MCOLN2: variants seen among roughly 807,000 people sequenced by gnomAD.
MCOLN2 encodes mucolipin-2.
A neutral mutation model predicts 67.5 loss-of-function variants in MCOLN2; 57 were observed. That is an observed-to-expected ratio of 0.84 (90% CI 0.68 to 1.05). The LOEUF (loss-of-function observed/expected upper bound fraction) is 1.05. MCOLN2 is among the 50% of genes least tolerant of loss of function. The pLI is 0.00. For synonymous variants in MCOLN2, 246 were observed against 233.3 expected (o/e 1.05, Z -0.50); for missense variants, 620 against 678.8 (o/e 0.91, Z 0.96).
Position 84,929,612 on chromosome 1 carries a change from T to G in MCOLN2, c.1610A>C (p.Glu537Ala). The stretch of plus-strand genomic sequence containing the variant: ...GGCTGAGGACTCTTTCTGATACTCT[T>G]CTTTGCTACTGCATTCCTTCAGGAA... ...QEFLKECSSK[E>A]EYQKESSAFL... is the part of the protein sequence containing the mutation. Residue 537 changes from glutamate (E) to alanine (A), a missense_variant, in exon 13 of 14, where the codon GAA (glutamate) becomes GCA (alanine). Transcript: ENST00000370608. The G allele has an allele frequency of 6.2e-7, 1 of 1,613,950 alleles. No individual in the cohort carries two copies. The highest frequency in any genetic ancestry group is 2.2e-5 in the East Asian group (1 of 44,854).
chr1:84,993,237 C>T (rs1650979250), intron 1 of MCOLN2, among the ~76,000 whole-genome samples: 1 of 152,206 alleles, frequency 6.6e-6, no homozygotes, highest in Admixed American at 6.5e-5. Context: ...GAGATTGCAG[C>T]AATTCTGTCA....
intron 6 of MCOLN2, 30 bp downstream of exon 6, chr1:84,952,208 TAAAAG>T (rs1185314579): frequency 2.1e-6 from 3 of 1,457,190 alleles, no homozygotes; most frequent in Non-Finnish European, 2.8e-6. Context: ...AGGAAAAAAA[TAAAAG>T]GAAGTAGCTA....
chr1:84,936,671 T>C (rs1022672668), intron 11 of MCOLN2, among the ~76,000 whole-genome samples: 2 of 152,210 alleles, frequency 1.3e-5, no homozygotes, highest in Admixed American at 6.5e-5. Context: ...TCTAGACATA[T>C]TAAATGTGAC....
chr1:84,982,110 C>A (rs1571035418), intron 1 of MCOLN2, among the ~76,000 whole-genome samples: 1 of 144,584 alleles, frequency 6.9e-6, no homozygotes. Flanking sequence ...AAAAGTGTAT[C>A]TGATTTGAAA....
chr1:84,937,539 T>A (rs1344995439), intron 11 of MCOLN2: 1 of 1,213,808 alleles, frequency 8.2e-7, no homozygotes, highest in Non-Finnish European at 1.0e-6. Flanking sequence ...CTATAATACA[T>A]GCTTTCTAGT....
chr1:84,970,395 C>T (rs574374519), intron 1 of MCOLN2, among the ~76,000 whole-genome samples: 4 of 151,382 alleles, frequency 2.6e-5, no homozygotes, highest in Non-Finnish European at 5.9e-5. Context: ...ACTGGCCAGG[C>T]ATGGTGGCTC....
At chr1:84,980,499 T>C (rs1271407067) in intron 1 of MCOLN2, among the ~76,000 whole-genome samples, 1 of 152,098 alleles carries the variant, frequency 6.6e-6, no homozygotes, top group African/African-American at 2.4e-5. Context: ...TGGAATGGAA[T>C]AGAGAACCCA....
chr1:84,942,732 G>T (rs1647862974), intron 7 of MCOLN2, among the ~76,000 whole-genome samples: 2 of 152,136 alleles, frequency 1.3e-5, no homozygotes, highest in Non-Finnish European at 2.9e-5. Context: ...AGGTGATTGG[G>T]TCATGAGGTC....
At chr1:84,960,907 A>G (rs1649054544) in intron 2 of MCOLN2, among the ~76,000 whole-genome samples, 1 of 152,220 alleles carries the variant, frequency 6.6e-6, no homozygotes, top group African/African-American at 2.4e-5. Flanking sequence ...ATGGTACGGA[A>G]TAACAACTCT....
At chr1:84,961,864 G>A (rs916240441) in intron 2 of MCOLN2, among the ~76,000 whole-genome samples, 3 of 152,166 alleles carry the variant, frequency 2.0e-5, no homozygotes, top group African/African-American at 7.2e-5. Context: ...ACAAGATACT[G>A]CTCTAATTAT....
rs1411891482 is a variant in MCOLN2 at position 84,991,163 on chromosome 1, T to C, written c.77+5633A>G. ...AATGGGCCATTTCAAAAAGAAAGAGTCTGGTATGTATCAGCTAGTCAGGTA... is the reference window on the plus strand; with the variant it reads ...AATGGGCCATTTCAAAAAGAAAGAGCCTGGTATGTATCAGCTAGTCAGGTA... On this transcript the variant is annotated intron_variant, in intron 1 of 13. Coordinates refer to ENST00000370608, the MANE Select transcript of MCOLN2 (RefSeq NM_153259.4). Among the ~76,000 whole-genome samples the C allele has an allele frequency of 2.0e-5, 3 of 151,970 alleles. No individual in the cohort carries two copies. The East Asian group carries it at 5.8e-4, about 29-fold the overall frequency.
At chr1:84,969,285 A>T (rs1384166746) in intron 1 of MCOLN2, among the ~76,000 whole-genome samples, 2 of 152,186 alleles carry the variant, frequency 1.3e-5, no homozygotes, top group Non-Finnish European at 2.9e-5. Context: ...GAAGTTCCAG[A>T]GGTGGCTGGG....
At chr1:84,996,258 C>T (rs890366446) in intron 1 of MCOLN2, among the ~76,000 whole-genome samples, 7 of 151,974 alleles carry the variant, frequency 4.6e-5, no homozygotes, top group Admixed American at 1.3e-4. Flanking sequence ...TACATCCTGA[C>T]ACCCATAAGA....
chr1:84,986,474 C>T (rs138708484), intron 1 of MCOLN2, among the ~76,000 whole-genome samples: 1,613 of 142,494 alleles, frequency 0.011, 9 homozygotes, highest in Middle Eastern at 0.019. Flanking sequence ...ACCCAGGAGG[C>T]GGAGGTTGCA....
rs1650622842 is a variant in MCOLN2, at chr1:84,987,511, C to CGT, written c.77+9284_77+9285insAC. On this transcript the variant is annotated intron_variant, in intron 1 of 13. Transcript: ENST00000370608. ...ATACATATGTATACATAGATGTATA[C>CGT]ATATGTATATATGTATACATCTATG... 3.8e-4 allele frequency among the ~76,000 whole-genome samples: 10 copies of CGT among 26,548 alleles called. 2 individuals carry two copies. The highest frequency in any genetic ancestry group is 1.5e-3 in the African/African-American group (6 of 3,992). The allele number at this position is 26,548 out of a possible 152,430, so 17.4% of individuals were successfully genotyped here. A position where few individuals can be genotyped will look rare whatever the true frequency, so the allele number is the denominator to read the frequency against.
At chr1:84,992,785 A>G (rs1366598055) in intron 1 of MCOLN2, among the ~76,000 whole-genome samples, 1 of 152,220 alleles carries the variant, frequency 6.6e-6, no homozygotes, top group Non-Finnish European at 1.5e-5. Flanking sequence ...AGTACTTCAT[A>G]CTAAAAAATG....
In MCOLN2 at chr1:84,925,674, T is replaced by C. The variant is rs1040215183; in HGVS notation, c.*1011A>G. On this transcript the variant is annotated 3_prime_UTR_variant, in exon 14 of 14. Transcript: ENST00000370608. ...ACCCAACCCAGCAGAGTTCAATTGTTAAAATGAGTGACCGCTGCTACAGGT... is the reference window on the plus strand; with the variant it reads ...ACCCAACCCAGCAGAGTTCAATTGTCAAAATGAGTGACCGCTGCTACAGGT... 3.3e-5 allele frequency: 5 copies of C among 152,214 alleles called. No homozygotes were observed. Among genetic ancestry groups the C allele is most frequent in the African/African-American group, 1.2e-4 (5 of 41,446 alleles). The allele number at this position is 152,214 out of a possible 1,614,324, so 9.4% of individuals were successfully genotyped here.
intron 1 of MCOLN2, among the ~76,000 whole-genome samples, chr1:84,976,105 G>A (rs1037603397): frequency 1.3e-5 from 2 of 152,000 alleles, no homozygotes; most frequent in Admixed American, 6.6e-5. Context: ...AAAGAGACAG[G>A]AGTAGAAAGT....
chr1:84,962,239 T>C (rs887685370), intron 2 of MCOLN2, among the ~76,000 whole-genome samples: 3 of 152,138 alleles, frequency 2.0e-5, no homozygotes, highest in Non-Finnish European at 4.4e-5. Flanking sequence ...CCAGAAATAT[T>C]TTGTTATTTA....
Sources: gnomAD v4.1 joint callset for allele counts (sites outside exome capture counted in the v4.1 genomes callset) on GRCh38, gnomAD v4.1.1 for gene constraint, MANE v1.5 for transcripts, NCBI Gene and HGNC (gene_info 2026-07-23, HGNC 2026-07-21) for gene names.